JAG2: variants seen among roughly 807,000 people sequenced by gnomAD.
JAG2 encodes protein jagged-2.
Under a neutral mutation model 141.7 loss-of-function variants are expected in JAG2, and 46 were observed. The observed-to-expected ratio is 0.32, with a 90% CI of 0.26 to 0.42. JAG2 has a LOEUF of 0.42. JAG2 is among the 10% of genes least tolerant of loss of function. The probability of loss-of-function intolerance (pLI) is 1.00; values close to 1 mark genes in which losing one functional copy is unlikely to be tolerated. For missense variants in JAG2, 1,500 were observed against 1,817.5 expected (o/e 0.83, Z 3.18); for synonymous variants, 862 against 763.5 (o/e 1.13, Z -2.13).
chr14:105,148,117 G>A lies in JAG2; in HGVS notation c.2247C>T (p.Val749=), dbSNP rs754389273. Residue 749 remains valine, a splice_region_variant and synonymous_variant, in exon 17 of 26, where the codon GTC becomes GTT. Transcript: ENST00000331782. ...PPGWKGSTCA[V]AKNSSCLPNP... ...GCAGAGGCAGCGGGGGCTCCTCACC[G>A]ACGGCGCAGGTGCTGCCCTTCCAGC... is the stretch of plus-strand genomic sequence containing the variant. 6.0e-5 allele frequency: 92 copies of A among 1,546,138 alleles called. No individual in the cohort carries two copies. Among genetic ancestry groups the A allele is most frequent in the Non-Finnish European group, 7.5e-5 (86 of 1,144,626 alleles).
rs1439900115 is a variant in JAG2 at position 105,167,263 on chromosome 14, T to C, written c.417+494A>G. On this transcript the variant is annotated intron_variant, in intron 2 of 25. Transcript: ENST00000331782. This position sits in a 1 kb window ranked among gnomAD's most constrained non-coding sequence, Gnocchi z 4.8. ...CTTCTGCCGACATAAGCGTTAGGCG[T>C]TAGGCTCTCCCGGGCCTAGGTCCCA... 6.6e-6 allele frequency among the ~76,000 whole-genome samples: 1 copy of C among 152,192 alleles called. No individual in the cohort carries two copies. Among genetic ancestry groups the C allele is most frequent in the Non-Finnish European group, 1.5e-5 (1 of 68,030 alleles).
Position 105,150,694 on chromosome 14 carries a change from G to A in JAG2, c.1512C>T (p.Ser504=), listed in dbSNP as rs1888394256. The A allele has an allele frequency of 6.4e-7, 1 of 1,555,490 alleles. No homozygotes were observed. Among genetic ancestry groups the A allele is most frequent in the South Asian group, 1.2e-5 (1 of 84,654 alleles). The part of the protein sequence containing the change: ...HCELERDECA[S]SPCHSGGLCE... ...AGAGGCCGCCGCTGTGGCAGGGGCT[G>A]CTGGCACACTCGTCTCGTTCCAGCT... is the stretch of plus-strand genomic sequence containing the variant. The change falls in exon 12 of 26, where the codon AGC becomes AGT. Residue 504 remains serine (S), a synonymous_variant. Coordinates refer to ENST00000331782, the MANE Select transcript of JAG2 (RefSeq NM_002226.5).
intron 22 of JAG2, 92 bp from the exon 23 acceptor site, chr14:105,146,065 C>A: frequency 6.5e-7 from 1 of 1,531,444 alleles, no homozygotes; most frequent in Non-Finnish European, 8.8e-7. Context: ...GGCACGGGCC[C>A]CATGCCAAGG....
In JAG2 at chr14:105,168,017, C is replaced by T. The variant is rs1221140547; in HGVS notation, c.157G>A (p.Asp53Asn). The stretch of plus-strand genomic sequence containing the variant: ...CCCCCCGCGCGCGTTGTCCGGCCGT[C>T]GCCGTCACAGCAGGCGCCGCTCAGC... ...ELLSGACCDG[D>N]GRTTRAGGCG... The change falls in exon 2 of 26, where the codon GAC becomes AAC. Residue 53 changes from aspartate to asparagine, a missense_variant. Asp to Asn is a conservative substitution (Grantham distance 23, BLOSUM62 1). This residue lies in a region of JAG2 where 200 missense variants were observed against 174.3 expected (regional missense o/e 1.15). Coordinates refer to ENST00000331782, the MANE Select transcript of JAG2 (RefSeq NM_002226.5). 3 of 1,598,594 alleles carry T rather than the reference C, an allele frequency of 1.9e-6. No homozygotes were observed. Among genetic ancestry groups the T allele is most frequent in the African/African-American group, 1.3e-5 (1 of 74,148 alleles).
chr14:105,160,430 G>A (rs1157552057), intron 2 of JAG2, among the ~76,000 whole-genome samples: 3 of 149,160 alleles, frequency 2.0e-5, no homozygotes, highest in Admixed American at 1.3e-4. Flanking sequence ...CAGGCGTCTG[G>A]CATTTGGCTC....
intron 24 of JAG2, 65 bp from the exon 25 acceptor site, chr14:105,143,703 A>G: frequency 6.3e-7 from 1 of 1,580,448 alleles, no homozygotes; most frequent in Non-Finnish European, 8.6e-7. Flanking sequence ...GCCTGCCCCC[A>G]ACACTGAGGC....
At chr14:105,168,267 G>A (rs1316784018) in intron 1 of JAG2, 88 bp downstream of exon 1, 4 of 710,222 alleles carry the variant, frequency 5.6e-6, no homozygotes, top group African/African-American at 2.1e-5. Flanking sequence ...TCCGAACCAC[G>A]GCGGCCCCAG....
At chr14:105,156,016 G>A in intron 3 of JAG2, 27 bp from the exon 4 acceptor site, 1 of 1,597,068 alleles carries the variant, frequency 6.3e-7, no homozygotes, top group Non-Finnish European at 8.5e-7. Context: ...AGTCAGCACA[G>A]GCCAGAGAAA....
intron 2 of JAG2, among the ~76,000 whole-genome samples, chr14:105,164,935 C>A (rs1888864821): frequency 6.6e-6 from 1 of 152,200 alleles, no homozygotes; most frequent in Non-Finnish European, 1.5e-5. Flanking sequence ...CCCAGGCCCA[C>A]CTCCTGTATC....
At chr14:105,147,285 G>A (rs1322562609) in intron 20 of JAG2, 41 bp downstream of exon 20, 1 of 1,504,042 alleles carries the variant, frequency 6.6e-7, no homozygotes, top group South Asian at 1.2e-5. Flanking sequence ...ACCGCGGCTG[G>A]GCTGAGGGGC....
chr14:105,161,593 C>CA (rs1328137508), intron 2 of JAG2, among the ~76,000 whole-genome samples: 5 of 152,120 alleles, frequency 3.3e-5, no homozygotes, highest in African/African-American at 9.7e-5. Flanking sequence ...GGGGTCCCTA[C>CA]ACCTGGATGG....
chr14:105,151,750 G>C lies in JAG2; in HGVS notation c.1040-11C>G. The C allele has an allele frequency of 6.2e-7, 1 of 1,605,466 alleles. No homozygotes were observed. The highest frequency in any genetic ancestry group is 8.5e-7 in the Non-Finnish European group (1 of 1,175,964). ...TGCAGGCGTGCTCAGCTGTAGAACC[G>C]CGGGGAGGGGGCAGAGCTGGCAGCC... On this transcript the variant is annotated splice_polypyrimidine_tract_variant and intron_variant, in intron 7 of 25. Transcript: ENST00000331782.
rs1888088728 is a variant in JAG2, at chr14:105,142,585, T to TG, written c.*109_*110insC. Reference sequence around the variant, plus strand: ...AACATTTGGTTTTTGTTTTTGGTGGTTTTTTTACACAAAATAAAGAAACTA... The same window carrying TG: ...AACATTTGGTTTTTGTTTTTGGTGGTGTTTTTTACACAAAATAAAGAAACTA... On this transcript the variant is annotated 3_prime_UTR_variant, in exon 26 of 26. Coordinates refer to ENST00000331782, the MANE Select transcript of JAG2 (RefSeq NM_002226.5). 1.3e-6 allele frequency: 1 copy of TG among 775,386 alleles called. No individual in the cohort carries two copies. The allele number at this position is 775,386 out of a possible 1,614,324, so 48.0% of individuals were successfully genotyped here.
rs373042386 is a variant in JAG2, at chr14:105,151,705, G to A, written c.1074C>T (p.Asn358=). ...EHACTSNPCA[N]GGSCHEVPSG... ...ACGGCACCTCATGGCAAGAGCCCCCGTTGGCACACGGGTTGGAGGTGCAGG... is the reference window on the plus strand; with the variant it reads ...ACGGCACCTCATGGCAAGAGCCCCCATTGGCACACGGGTTGGAGGTGCAGG... Residue 358 remains asparagine, a synonymous_variant, in exon 8 of 26, where the codon AAC becomes AAT. Transcript: ENST00000331782. 39 of 1,611,194 alleles carry A rather than the reference G, an allele frequency of 2.4e-5. No homozygotes were observed. Among genetic ancestry groups the A allele is most frequent in the Middle Eastern group, 1.6e-4 (1 of 6,078 alleles).
chr14:105,147,342 C>T lies in JAG2; in HGVS notation c.2463G>A (p.Gly821=). 1 of 1,561,950 alleles carries T rather than the reference C, an allele frequency of 6.4e-7. No individual in the cohort carries two copies. Among genetic ancestry groups the T allele is most frequent in the African/African-American group, 1.4e-5 (1 of 73,580 alleles). ...GCCACTCACTGATGCGGCAGTCAGGCCCCGCGAAGCCAGGTGCACACTCGC... is the reference window on the plus strand; with the variant it reads ...GCCACTCACTGATGCGGCAGTCAGGTCCCGCGAAGCCAGGTGCACACTCGC... The part of the protein sequence containing the change: ...FRCECAPGFA[G]PDCRINIDEC... The change falls in exon 20 of 26, where the codon GGG becomes GGA. Residue 821 remains glycine (G), a synonymous_variant. Transcript: ENST00000331782.
chr14:105,148,692 G>A (rs1888309368), intron 15 of JAG2, 53 bp downstream of exon 15: 2 of 1,438,410 alleles, frequency 1.4e-6, no homozygotes, highest in Non-Finnish European at 1.9e-6. Flanking sequence ...GGGTGATAAG[G>A]GGCCCACAGG....
chr14:105,167,964 G>C lies in JAG2; in HGVS notation c.210C>G (p.Tyr70Ter). 6.2e-7 allele frequency: 1 copy of C among 1,604,444 alleles called. No homozygotes were observed. Among genetic ancestry groups the C allele is most frequent in the Non-Finnish European group, 8.5e-7 (1 of 1,177,998 alleles). Residue 70 changes from tyrosine to a stop codon, truncating the protein, a stop_gained, in exon 2 of 26, where the codon TAC becomes TAG. Transcript: ENST00000331782. LOFTEE classifies it high-confidence loss of function. This position sits in a 1 kb window ranked among gnomAD's most constrained non-coding sequence, Gnocchi z 4.8. The stretch of plus-strand genomic sequence containing the variant: ...GGTACTCCTTAAGGCACACGCGCAC[G>C]TACGTGTCGCACTCGTCGTGGCCGC... ...GGCGHDECDT[Y>*]VRVCLKEYQA... is the part of the protein sequence containing the mutation.
In JAG2 at chr14:105,149,152, C is replaced by T; in HGVS notation, c.1753+18G>A. On this transcript the variant is annotated intron_variant, in intron 13 of 25. Coordinates refer to ENST00000331782, the MANE Select transcript of JAG2 (RefSeq NM_002226.5). ...CTGCCCCACCACCTCCCCCACCACCCCATGCCGCACCCAGCACCTCTGCAG... is the reference window on the plus strand; with the variant it reads ...CTGCCCCACCACCTCCCCCACCACCTCATGCCGCACCCAGCACCTCTGCAG... 6.2e-7 allele frequency: 1 copy of T among 1,609,022 alleles called. No individual in the cohort carries two copies. Among genetic ancestry groups the T allele is most frequent in the Non-Finnish European group, 8.5e-7 (1 of 1,178,990 alleles).
At chr14:105,157,874 G>A in intron 2 of JAG2, 111 bp from the exon 3 acceptor site, 1 of 1,009,580 alleles carries the variant, frequency 9.9e-7, no homozygotes, top group South Asian at 1.4e-5. Flanking sequence ...CCAGGCTCTG[G>A]CCCTTCCTCC....
Sources: gnomAD v4.1 joint callset for allele counts (sites outside exome capture counted in the v4.1 genomes callset) on GRCh38, gnomAD v4.1.1 for gene constraint, gnomAD v4.1.1 regional missense constraint, Gnocchi (gnomAD v3.1) non-coding constraint, MANE v1.5 for transcripts, NCBI Gene and HGNC (gene_info 2026-07-23, HGNC 2026-07-21) for gene names.